Variants in TDRD1 observed in about 807,000 individuals in gnomAD.
TDRD1 encodes the protein tudor domain-containing protein 1.
In TDRD1, 37 loss-of-function variants were observed where a neutral mutation model predicts 140.6. The observed-to-expected ratio is 0.26, with a 90% CI of 0.20 to 0.35. The LOEUF (loss-of-function observed/expected upper bound fraction) is 0.35, where lower values mean the gene tolerates loss of function less well. Among genes scored for constraint, TDRD1 ranks in the 10% least tolerant of loss-of-function variants. The pLI, the probability that TDRD1 is intolerant of heterozygous loss-of-function variation, is 1.00. For synonymous variants in TDRD1, 506 were observed against 475.7 expected (o/e 1.06, Z -0.83); for missense variants, 1,243 against 1,393.0 (o/e 0.89, Z 1.71).
intron 11 of TDRD1, among the ~76,000 whole-genome samples, chr10:114,208,640 T>C (rs2035280985): frequency 6.6e-6 from 1 of 152,184 alleles, no homozygotes; most frequent in African/African-American, 2.4e-5. Context: ...TAGCTCCTGA[T>C]TGAACATCTT....
chr10:114,205,469 T>A (rs538385906), intron 10 of TDRD1, among the ~76,000 whole-genome samples: 67 of 152,338 alleles, frequency 4.4e-4, no homozygotes, highest in Middle Eastern at 3.4e-3. Context: ...AAATCTGTTG[T>A]TTGCTATGTT....
chr10:114,216,455 G>GT (rs1172532716), intron 16 of TDRD1, among the ~76,000 whole-genome samples: 1 of 151,932 alleles, frequency 6.6e-6, no homozygotes, highest in Non-Finnish European at 1.5e-5. Flanking sequence ...CCAAATCTTG[G>GT]TTTTTCTTTG....
intron 11 of TDRD1, among the ~76,000 whole-genome samples, 180 bp downstream of exon 11, chr10:114,206,510 C>T (rs900856181): frequency 1.3e-5 from 2 of 152,016 alleles, no homozygotes; most frequent in Non-Finnish European, 2.9e-5. Context: ...ATCTTTCCTG[C>T]CTGTTCTCCT....
At chr10:114,211,421 C>T (rs141497286) in intron 13 of TDRD1, among the ~76,000 whole-genome samples, 61 of 152,270 alleles carry the variant, frequency 4.0e-4, no homozygotes, top group Middle Eastern at 3.4e-3. Context: ...TACTCTCTGC[C>T]GAAGAGAGGC....
At chr10:114,228,311 T>A in intron 25 of TDRD1, 2 of 1,369,318 alleles carry the variant, frequency 1.5e-6, no homozygotes, top group Non-Finnish European at 1.9e-6. Flanking sequence ...ATCGTTTTCC[T>A]TTGCTACTGC....
intron 11 of TDRD1, among the ~76,000 whole-genome samples, chr10:114,206,895 C>T (rs1020318870): frequency 2.6e-5 from 4 of 152,158 alleles, no homozygotes; most frequent in African/African-American, 4.8e-5. Flanking sequence ...GGATTACAGG[C>T]GTGAGCCACT....
chr10:114,206,186 T>G, intron 10 of TDRD1, 58 bp from the exon 11 acceptor site: 1 of 1,277,676 alleles, frequency 7.8e-7, no homozygotes, highest in Non-Finnish European at 1.1e-6. Flanking sequence ...TTTACGCTTT[T>G]CCCATAATTC....
chr10:114,224,669 A>G (rs928989919), intron 21 of TDRD1, among the ~76,000 whole-genome samples: 2 of 152,004 alleles, frequency 1.3e-5, no homozygotes, highest in Admixed American at 6.6e-5. Flanking sequence ...TTTAATTTCA[A>G]TAGCTTTTTT....
At chr10:114,192,529 A>G (rs1227661837) in intron 3 of TDRD1, among the ~76,000 whole-genome samples, 1 of 151,884 alleles carries the variant, frequency 6.6e-6, no homozygotes, top group African/African-American at 2.4e-5. Flanking sequence ...GATGGTCTCC[A>G]TCTCCTGACC....
chr10:114,208,208 A>T (rs1015969514), intron 11 of TDRD1, among the ~76,000 whole-genome samples: 1 of 152,154 alleles, frequency 6.6e-6, no homozygotes, highest in Admixed American at 6.5e-5. Flanking sequence ...GCTAGAGCGG[A>T]TCATTAAAGG....
chr10:114,213,013 A>G (rs1320414300), intron 14 of TDRD1, among the ~76,000 whole-genome samples: 1 of 152,160 alleles, frequency 6.6e-6, no homozygotes, highest in East Asian at 1.9e-4. Context: ...TTGTGTATCA[A>G]TGGAATTACG....
intron 16 of TDRD1, among the ~76,000 whole-genome samples, chr10:114,216,424 G>C (rs2035819547): frequency 6.6e-6 from 1 of 152,036 alleles, no homozygotes; most frequent in Non-Finnish European, 1.5e-5. Flanking sequence ...ATTCTGATGA[G>C]CATCATTGAT....
chr10:114,199,585 G>A (rs2034593287), intron 4 of TDRD1, among the ~76,000 whole-genome samples: 2 of 152,146 alleles, frequency 1.3e-5, no homozygotes, highest in African/African-American at 4.8e-5. Context: ...TCATAACATA[G>A]GATGTTTCTG....
chr10:114,208,948 AT>A (rs1332832340), intron 11 of TDRD1, among the ~76,000 whole-genome samples: 2 of 151,674 alleles, frequency 1.3e-5, no homozygotes, highest in African/African-American at 4.8e-5. Flanking sequence ...TGCCCAGCTG[AT>A]TTTTTTGTAT....
chr10:114,181,063 G>A (rs2033018896), intron 1 of TDRD1, among the ~76,000 whole-genome samples: 1 of 152,306 alleles, frequency 6.6e-6, no homozygotes, highest in Non-Finnish European at 1.5e-5. Flanking sequence ...AAAGCGTGAA[G>A]TACAGAACAA....
chr10:114,200,458 G>A (rs1295611199), intron 4 of TDRD1, among the ~76,000 whole-genome samples: 1 of 152,068 alleles, frequency 6.6e-6, no homozygotes, highest in Non-Finnish European at 1.5e-5. Flanking sequence ...TTTATTTCAA[G>A]ATCTCCCTGG....
chr10:114,231,061 T>G (rs755209011), intron 25 of TDRD1, among the ~76,000 whole-genome samples: 15 of 152,172 alleles, frequency 9.9e-5, no homozygotes, highest in Admixed American at 4.6e-4. Context: ...AGTGAGACCC[T>G]GTCTCAAAAA....
chr10:114,222,393 A>G (rs1266392733), intron 20 of TDRD1, among the ~76,000 whole-genome samples, 194 bp from the exon 21 acceptor site: 1 of 152,166 alleles, frequency 6.6e-6, no homozygotes, highest in Non-Finnish European at 1.5e-5. Flanking sequence ...TATTGATTGC[A>G]TCCCTTTTGC....
chr10:114,212,166 A>C, intron 14 of TDRD1, 130 bp downstream of exon 14: 4 of 772,034 alleles, frequency 5.2e-6, no homozygotes, highest in Non-Finnish European at 7.8e-6. Flanking sequence ...AGTTACTATA[A>C]ATGTCATTTA....
Sources: allele counts gnomAD v4.1 joint callset (sites outside exome capture counted in the v4.1 genomes callset), GRCh38; gene constraint gnomAD v4.1.1; transcripts MANE v1.5; gene names NCBI Gene and HGNC (gene_info 2026-07-23, HGNC 2026-07-21).